Variants in JAKMIP3 observed in about 807,000 individuals in gnomAD.
The protein encoded by JAKMIP3 is janus kinase and microtubule-interacting protein 3.
Under a neutral mutation model 118.5 loss-of-function variants are expected in JAKMIP3, and 58 were observed. That is an observed-to-expected ratio of 0.49 (90% confidence interval 0.40 to 0.61). JAKMIP3 has a LOEUF of 0.61. Among genes scored for constraint, JAKMIP3 ranks in the 20% least tolerant of loss-of-function variants. The pLI, the probability that JAKMIP3 is intolerant of heterozygous loss-of-function variation, is 0.00. For synonymous variants in JAKMIP3, 486 were observed against 451.2 expected (o/e 1.08, Z -0.98); for missense variants, 950 against 1,109.0 (o/e 0.86, Z 2.04).
rs557801710 is a variant in JAKMIP3, at chr10:132,079,859, G to C, written c.-138+13798G>C. On this transcript the variant is annotated intron_variant, in intron 1 of 23. Transcript: ENST00000684848. ...TATCAGAATTTTCTTCCTTCTTAAG[G>C]CTGAATCGTGTTCCATCTTGTGTGT... 2.0e-5 allele frequency among the ~76,000 whole-genome samples: 3 copies of C among 152,270 alleles called. No homozygotes were observed. The South Asian group carries it at 6.2e-4, about 32-fold the overall frequency.
At chr10:132,172,094 G>C (rs958645436) in intron 23 of JAKMIP3, among the ~76,000 whole-genome samples, 7 of 152,146 alleles carry the variant, frequency 4.6e-5, no homozygotes, top group African/African-American at 7.2e-5. Context: ...TCCTGTCTCT[G>C]TAGTGCCTGC....
intron 1 of JAKMIP3, among the ~76,000 whole-genome samples, chr10:132,100,505 G>A (rs1382101743): frequency 3.3e-5 from 5 of 152,148 alleles, no homozygotes; most frequent in Non-Finnish European, 5.9e-5. Flanking sequence ...ACACACCCTT[G>A]AGACTGGATG....
At chr10:132,172,982 T>TCC (rs2059665894) in intron 23 of JAKMIP3, among the ~76,000 whole-genome samples, 1 of 68,798 alleles carries the variant, frequency 1.5e-5, no homozygotes, top group Non-Finnish European at 2.9e-5. Flanking sequence ...TCTCCTTCCC[T>TCC]CTCTCTCTCT....
chr10:132,138,232 G>A, intron 9 of JAKMIP3, 54 bp downstream of exon 9: 1 of 1,488,156 alleles, frequency 6.7e-7, no homozygotes. Context: ...TGTGCGGAGA[G>A]GACCACGCCC....
At chr10:132,130,869 AGAG>A (rs1435132812) in intron 3 of JAKMIP3, among the ~76,000 whole-genome samples, 1 of 151,972 alleles carries the variant, frequency 6.6e-6, no homozygotes, top group Non-Finnish European at 1.5e-5. Context: ...GCTCCACCCT[AGAG>A]GTTCTACATG....
At chr10:132,139,838 T>C (rs551734154) in intron 9 of JAKMIP3, among the ~76,000 whole-genome samples, 9 of 152,266 alleles carry the variant, frequency 5.9e-5, no homozygotes, top group Admixed American at 3.9e-4. Flanking sequence ...TGGAGGCCAC[T>C]GTGGCCACGG....
At chr10:132,120,653 C>T (rs1467474644) in intron 3 of JAKMIP3, among the ~76,000 whole-genome samples, 3 of 152,242 alleles carry the variant, frequency 2.0e-5, no homozygotes, top group African/African-American at 7.2e-5. Flanking sequence ...AGGGTGTCAG[C>T]TGTGGTGATG....
intron 3 of JAKMIP3, among the ~76,000 whole-genome samples, chr10:132,123,500 C>T (rs1473444767): frequency 1.3e-5 from 2 of 152,192 alleles, no homozygotes; most frequent in Non-Finnish European, 1.5e-5. Context: ...AATTAAAACC[C>T]CATTCAAATA....
chr10:132,152,945 C>A lies in JAKMIP3; in HGVS notation c.2008-13C>A. On this transcript the variant is annotated splice_polypyrimidine_tract_variant and intron_variant, in intron 16 of 23. Transcript: ENST00000684848. ...TGCTTCTGACCGCACCTGTGTTCTG[C>A]TTTTGGGTGCAGAACCTGACCAATG... 1.3e-6 allele frequency: 2 copies of A among 1,598,436 alleles called. No individual in the cohort carries two copies. Among genetic ancestry groups the A allele is most frequent in the Non-Finnish European group, 1.7e-6 (2 of 1,172,696 alleles).
chr10:132,081,613 G>A (rs1368480568), intron 1 of JAKMIP3, among the ~76,000 whole-genome samples: 2 of 152,108 alleles, frequency 1.3e-5, no homozygotes, highest in African/African-American at 4.8e-5. Flanking sequence ...TGGGTAGTGC[G>A]AGGCCTCCGG....
intron 20 of JAKMIP3, among the ~76,000 whole-genome samples, chr10:132,164,374 C>G (rs973344360): frequency 2.6e-5 from 4 of 152,236 alleles, no homozygotes; most frequent in Non-Finnish European, 4.4e-5. Context: ...ATCTGGGGGA[C>G]CGGGAATCCA....
chr10:132,105,361 G>T (rs2045740799), intron 2 of JAKMIP3, among the ~76,000 whole-genome samples: 1 of 152,242 alleles, frequency 6.6e-6, no homozygotes, highest in South Asian at 2.1e-4. Context: ...AAAAGGATGG[G>T]CCATCGGTTT....
chr10:132,071,953 C>CCTTTT (rs2040026573), intron 1 of JAKMIP3, among the ~76,000 whole-genome samples: 1 of 145,078 alleles, frequency 6.9e-6, no homozygotes, highest in Non-Finnish European at 1.5e-5. Flanking sequence ...TCCTTTCTTT[C>CCTTTT]TTTCCTTTCT....
At chr10:132,133,211 C>T (rs74161728) in intron 3 of JAKMIP3, 101 bp from the exon 4 acceptor site, 64 of 1,035,086 alleles carry the variant, frequency 6.2e-5, no homozygotes, top group African/African-American at 5.8e-4. Context: ...CTTTTGCTTC[C>T]GGTCTCAGAG....
At chr10:132,144,888 C>T (rs1332176160) in intron 11 of JAKMIP3, among the ~76,000 whole-genome samples, 1 of 152,032 alleles carries the variant, frequency 6.6e-6, no homozygotes, top group Non-Finnish European at 1.5e-5. Flanking sequence ...AAGATTGTGC[C>T]ACTGAGCTCC....
At chr10:132,104,642 C>A (rs1019884554) in intron 1 of JAKMIP3, 30 bp from the exon 2 acceptor site, 17 of 688,732 alleles carry the variant, frequency 2.5e-5, no homozygotes, top group Non-Finnish European at 3.6e-5. Context: ...CCGGAGGGAG[C>A]TGCTCACCGC....
In JAKMIP3 at chr10:132,041,270, C is replaced by T. The variant is rs73393890; in HGVS notation, c.-138+4532C>T. ...CATTCATCACCTGTTTATTTTAAGG[C>T]TTTCCTGTGGATCAGACAAACTGGA... On this transcript the variant is annotated intron_variant, in intron 1 of 23. Coordinates refer to the JAKMIP3 transcript ENST00000657785. Among the ~76,000 whole-genome samples, 433 of 152,346 alleles carry T rather than the reference C, an allele frequency of 2.8e-3. 3 individuals are homozygous for T. Among genetic ancestry groups the T allele is most frequent in the African/African-American group, 0.01 (421 of 41,578 alleles).
chr10:132,089,364 T>TG (rs1174510780), intron 1 of JAKMIP3, among the ~76,000 whole-genome samples: 1 of 152,250 alleles, frequency 6.6e-6, no homozygotes, highest in Non-Finnish European at 1.5e-5. Flanking sequence ...TCCATTTGTA[T>TG]GTGTCCTCTT....
At chr10:132,048,892 C>A (rs113045615) in intron 1 of JAKMIP3, among the ~76,000 whole-genome samples, 19,263 of 151,946 alleles carry the variant, frequency 0.13, 1,324 homozygotes, top group Middle Eastern at 0.16. Context: ...CGCCTGCCTT[C>A]GCCTCCCAAA....
Sources: gnomAD v4.1 joint callset for allele counts (sites outside exome capture counted in the v4.1 genomes callset) on GRCh38, gnomAD v4.1.1 for gene constraint, MANE v1.5 for transcripts, NCBI Gene and HGNC (gene_info 2026-07-23, HGNC 2026-07-21) for gene names.